The following GRIN2A variants were observed in gnomAD, a reference collection of about 807,000 sequenced individuals.
GRIN2A encodes glutamate receptor ionotropic, NMDA 2A.
A neutral mutation model predicts 113.4 loss-of-function variants in GRIN2A; 22 were observed. The ratio of observed to expected loss-of-function variants is 0.19; its 90% CI spans 0.14 to 0.28. The LOEUF is 0.28. Ranked by LOEUF, GRIN2A falls within the 10% of genes least tolerant of loss-of-function variation. The probability of loss-of-function intolerance (pLI) is 1.00; values close to 1 mark genes in which losing one functional copy is unlikely to be tolerated. For missense variants in GRIN2A, 1,502 were observed against 1,887.0 expected, an observed-to-expected ratio of 0.80 and a Z score of 3.78; for synonymous variants, 827 against 738.4, an observed-to-expected ratio of 1.12 and a Z score of -1.94.
intron 11 of GRIN2A, among the ~76,000 whole-genome samples, chr16:9,773,034 C>T (rs1049132350): frequency 6.6e-5 from 10 of 151,724 alleles, no homozygotes; most frequent in African/African-American, 2.4e-4. Flanking sequence ...CTTTGACTAG[C>T]GTACTGAACT....
chr16:9,813,291 G>T (rs1294966615), intron 10 of GRIN2A, among the ~76,000 whole-genome samples: 1 of 152,196 alleles, frequency 6.6e-6, no homozygotes, highest in East Asian at 1.9e-4. Flanking sequence ...ATTTGCATAT[G>T]CACCGACTCA....
intron 3 of GRIN2A, among the ~76,000 whole-genome samples, chr16:9,921,089 T>C (rs1375785162): frequency 6.6e-6 from 1 of 152,204 alleles, no homozygotes; most frequent in East Asian, 1.9e-4. Flanking sequence ...ACGATTCTTA[T>C]AAACATTTTC....
At chr16:9,907,921 C>T (rs922091377) in intron 3 of GRIN2A, among the ~76,000 whole-genome samples, 7 of 152,194 alleles carry the variant, frequency 4.6e-5, no homozygotes, top group East Asian at 1.9e-4. Context: ...GCCCTCGCTG[C>T]GTGCCCTCAC....
chr16:9,834,159 C>T lies in GRIN2A; in HGVS notation c.1723G>A (p.Val575Ile). The T allele has an allele frequency of 6.2e-7, 1 of 1,613,740 alleles. No homozygotes were observed. Among genetic ancestry groups the T allele is most frequent in the Non-Finnish European group, 8.5e-7 (1 of 1,179,666 alleles). Residue 575 changes from valine to isoleucine, a missense_variant, in exon 8 of 13, where the codon GTC (valine) becomes ATC (isoleucine). Transcript: ENST00000330684. ...CCAACAGGGCTGAAGTATTCAAAGA[C>T]AAAAACAGCTATGGCAGAAACAATG... Reference protein sequence around the residue: ...LLIVSAIAVFVFEYFSPVGYN... With the variant: ...LLIVSAIAVFIFEYFSPVGYN...
chr16:9,947,794 T>C (rs1472017835), intron 2 of GRIN2A, among the ~76,000 whole-genome samples: 2 of 152,148 alleles, frequency 1.3e-5, no homozygotes, highest in Non-Finnish European at 2.9e-5. Context: ...ATTTTTTTTT[T>C]TAAATGGAGG....
At chr16:9,868,139 C>G (rs1271649671) in intron 4 of GRIN2A, among the ~76,000 whole-genome samples, 1 of 152,184 alleles carries the variant, frequency 6.6e-6, no homozygotes, top group Non-Finnish European at 1.5e-5. Flanking sequence ...GCTTTCCTAA[C>G]TCACAGCCAC....
chr16:9,876,156 C>A (rs142297298), intron 4 of GRIN2A, among the ~76,000 whole-genome samples: 4 of 152,102 alleles, frequency 2.6e-5, no homozygotes, highest in African/African-American at 7.2e-5. Flanking sequence ...GGCTTGGATA[C>A]AATCCAAGGC....
chr16:10,160,258 G>A (rs1241579757), intron 2 of GRIN2A, among the ~76,000 whole-genome samples: 1 of 152,158 alleles, frequency 6.6e-6, no homozygotes, highest in Non-Finnish European at 1.5e-5. Flanking sequence ...AATGTTCTGA[G>A]TGCTGGAAGT....
chr16:9,780,436 G>A (rs1290239007), intron 11 of GRIN2A, among the ~76,000 whole-genome samples: 5 of 152,226 alleles, frequency 3.3e-5, no homozygotes, highest in African/African-American at 9.6e-5. Context: ...GCAGTAATAT[G>A]TATCAATGTC....
At chr16:10,130,281 A>C (rs1170948563) in intron 2 of GRIN2A, among the ~76,000 whole-genome samples, 1 of 152,228 alleles carries the variant, frequency 6.6e-6, no homozygotes, top group Non-Finnish European at 1.5e-5. Flanking sequence ...CATTGAGGGG[A>C]AAATCAAATC....
intron 4 of GRIN2A, among the ~76,000 whole-genome samples, chr16:9,856,129 A>C (rs1030482645): frequency 6.6e-6 from 1 of 152,186 alleles, no homozygotes; most frequent in Non-Finnish European, 1.5e-5. Flanking sequence ...ACTGTAGGAC[A>C]TAGATAACTA....
At chr16:10,022,481 A>T (rs1183219711) in intron 2 of GRIN2A, among the ~76,000 whole-genome samples, 1 of 152,182 alleles carries the variant, frequency 6.6e-6, no homozygotes, top group Non-Finnish European at 1.5e-5. Flanking sequence ...CCTCGCTTTA[A>T]AGTCCAGCAC....
intron 10 of GRIN2A, among the ~76,000 whole-genome samples, chr16:9,813,531 T>TC (rs2042128798): frequency 6.6e-6 from 1 of 151,140 alleles, no homozygotes; most frequent in Admixed American, 6.6e-5. Context: ...CTTTTTTTTT[T>TC]TTCCGTCTCT....
At chr16:9,821,103 G>A (rs1422462811) in intron 10 of GRIN2A, among the ~76,000 whole-genome samples, 3 of 152,000 alleles carry the variant, frequency 2.0e-5, no homozygotes, top group East Asian at 1.9e-4. Flanking sequence ...CCAGCAGCAA[G>A]GCCTTCACAA....
chr16:9,981,492 C>A (rs1176014642), intron 2 of GRIN2A, among the ~76,000 whole-genome samples: 1 of 152,194 alleles, frequency 6.6e-6, no homozygotes, highest in East Asian at 1.9e-4. Context: ...CGTGACTGAT[C>A]TTGTTTTGTC....
At position 9,858,511 on chromosome 16, in the gene GRIN2A, C is replaced by T. The variant is rs2043006361; in HGVS notation, c.1123-8550G>A. ...TTGGTGATAAGCCTTTGAGTGTTTT[C>T]AGAAATATACTGAAGTTGTGACGAC... is the stretch of plus-strand genomic sequence containing the variant. On this transcript the variant is annotated intron_variant, in intron 4 of 12. Transcript: ENST00000330684. Among the ~76,000 whole-genome samples the T allele has an allele frequency of 2.0e-5, 3 of 152,004 alleles. No individual in the cohort carries two copies. In the South Asian group the frequency reaches 6.2e-4, roughly 32 times the overall value.
intron 10 of GRIN2A, among the ~76,000 whole-genome samples, chr16:9,807,315 A>AGGGAGAGGGGGG (rs2041996606): frequency 6.9e-5 from 1 of 14,508 alleles, no homozygotes; most frequent in Admixed American, 7.9e-4. Context: ...GGAGAGGGGG[A>AGGGAGAGGGGGG]AAAAGTGGGG....
intron 10 of GRIN2A, among the ~76,000 whole-genome samples, chr16:9,808,056 T>C (rs926896084): frequency 1.3e-5 from 2 of 152,206 alleles, no homozygotes; most frequent in African/African-American, 4.8e-5. Flanking sequence ...GATTGTACTT[T>C]TCAAGGGTTG....
chr16:9,888,140 C>T (rs1298708359), intron 4 of GRIN2A, among the ~76,000 whole-genome samples: 1 of 152,098 alleles, frequency 6.6e-6, no homozygotes, highest in African/African-American at 2.4e-5. Flanking sequence ...GGGGTTTCAC[C>T]ATATTGGTCA....
Sources: allele counts gnomAD v4.1 joint callset (sites outside exome capture counted in the v4.1 genomes callset), GRCh38; gene constraint gnomAD v4.1.1; transcripts MANE v1.5; gene names NCBI Gene and HGNC (gene_info 2026-07-23, HGNC 2026-07-21).